The following STX10 variants were observed in gnomAD, a reference collection of about 807,000 sequenced individuals.
The protein encoded by STX10 is syntaxin 10, also known as syntaxin-10.
STX10 carries 35 observed loss-of-function variants against 34.1 expected under a neutral mutation model. That is an observed-to-expected ratio of 1.03 (90% CI 0.78 to 1.36). The LOEUF (loss-of-function observed/expected upper bound fraction) is 1.36, where lower values mean the gene tolerates loss of function less well. Ranked by LOEUF, STX10 falls within the 40% of genes most tolerant of loss-of-function variation. The pLI, the probability that STX10 is intolerant of heterozygous loss-of-function variation, is 0.00. For missense variants in STX10, 361 were observed against 335.5 expected (o/e 1.08, Z -0.59); for synonymous variants, 155 against 132.9 (o/e 1.17, Z -1.15).
rs1163829965 is a variant in STX10, at chr19:13,148,519, AAAAT to A, written c.363+506_363+509del. ...ACTCCATCTCAAAAAAAAAAAAAAA[AAAAT>A]ACAGAAGTTACCCTGGCATGGTGAC... is the stretch of plus-strand genomic sequence containing the variant. On this transcript the variant is annotated intron_variant, in intron 4 of 7. Coordinates refer to ENST00000587230, the MANE Select transcript of STX10 (RefSeq NM_003765.3). Among the ~76,000 whole-genome samples, 96 of 146,574 alleles carry A rather than the reference AAAAT, an allele frequency of 6.5e-4. 3 individuals are homozygous for A. In the East Asian group the frequency reaches 0.016, roughly 25 times the overall value.
At position 13,145,377 on chromosome 19, in the gene STX10, C is replaced by CT. The variant is rs1282993787; in HGVS notation, c.381dup (p.Ala128SerfsTer35). 1 of 1,611,212 alleles carries CT rather than the reference C, an allele frequency of 6.2e-7. No homozygotes were observed. On this transcript the variant is annotated frameshift_variant, in exon 5 of 8. Transcript: ENST00000587230. LOFTEE classifies it high-confidence loss of function. Reference sequence around the variant, plus strand: ...AGGTCGCTGGGTGACTTCTGGGCAGCTGGCTTGCCTGCGAGTATCTGCAGG... The same window carrying CT: ...AGGTCGCTGGGTGACTTCTGGGCAGCTTGGCTTGCCTGCGAGTATCTGCAGG...
At position 13,148,985 on chromosome 19, in the gene STX10, A is replaced by AC; in HGVS notation, c.363+43dup. ...ACGCACAGAGGGATCTGGCTTGGTT[A>AC]CCCCCAGGGGCTCAGGTGGGCAGGG... On this transcript the variant is annotated intron_variant, in intron 4 of 7. Coordinates refer to ENST00000587230, the MANE Select transcript of STX10 (RefSeq NM_003765.3). The AC allele has an allele frequency of 1.9e-6, 3 of 1,549,852 alleles. No individual in the cohort carries two copies. The African/African-American group carries it at 4.1e-5, about 21-fold the overall frequency.
chr19:13,146,288 C>A (rs923548976), intron 4 of STX10, among the ~76,000 whole-genome samples: 2 of 152,060 alleles, frequency 1.3e-5, no homozygotes, highest in Admixed American at 1.3e-4. Context: ...ATGGGGGACA[C>A]TTACAGCAGT....
rs1259449734 is a variant in STX10 at position 13,150,287 on chromosome 19, A to G, written c.-114T>C. Reference sequence around the variant, plus strand: ...CCCCGCCCCCGTCACGCCACCATCGAGAGCCGGACCGCCAGGGGAGAAAGA... The same window carrying G: ...CCCCGCCCCCGTCACGCCACCATCGGGAGCCGGACCGCCAGGGGAGAAAGA... On this transcript the variant is annotated 5_prime_UTR_variant, in exon 1 of 8. Coordinates refer to ENST00000587230, the MANE Select transcript of STX10 (RefSeq NM_003765.3). This position sits in a 1 kb window ranked among gnomAD's most constrained non-coding sequence, Gnocchi z 4.0. The G allele has an allele frequency of 1.6e-6, 1 of 640,302 alleles. No homozygotes were observed. The highest frequency in any genetic ancestry group is 1.9e-5 in the African/African-American group (1 of 52,778). 39.7% of individuals were successfully genotyped at this position (640,302 alleles called of 1,614,324 possible).
In STX10 at chr19:13,144,400, A is replaced by G; in HGVS notation, c.*10T>C. Reference sequence around the variant, plus strand: ...GGCTTAAGGGACCAGCCTGCCAGGGAGGGCTGGGGTCAGAGAGAGAATAGT... The same window carrying G: ...GGCTTAAGGGACCAGCCTGCCAGGGGGGGCTGGGGTCAGAGAGAGAATAGT... On this transcript the variant is annotated 3_prime_UTR_variant, in exon 8 of 8. Coordinates refer to ENST00000587230, the MANE Select transcript of STX10 (RefSeq NM_003765.3). 1 of 1,605,330 alleles carries G rather than the reference A, an allele frequency of 6.2e-7. No homozygotes were observed. The highest frequency in any genetic ancestry group is 1.1e-5 in the South Asian group (1 of 89,244).
In STX10 at chr19:13,150,036, C is replaced by T. The variant is rs1169887958; in HGVS notation, c.35+103G>A. ...TGCGTGCGCCTCCCACTCTGCACCC[C>T]GACGGCCTTGCCCAGCCCGCCGGGC... On this transcript the variant is annotated intron_variant, in intron 1 of 7. Coordinates refer to ENST00000587230, the MANE Select transcript of STX10 (RefSeq NM_003765.3). The surrounding 1 kb of genome is among the most constrained non-coding windows in gnomAD (Gnocchi z 4.0). The T allele has an allele frequency of 6.0e-6, 8 of 1,324,242 alleles. No individual in the cohort carries two copies. The highest frequency in any genetic ancestry group is 8.5e-6 in the Non-Finnish European group (8 of 941,706). 82.0% of individuals were successfully genotyped at this position (1,324,242 alleles called of 1,614,324 possible).
intron 4 of STX10, 116 bp downstream of exon 4, chr19:13,148,913 A>T: frequency 1.3e-6 from 1 of 783,228 alleles, no homozygotes; most frequent in South Asian, 1.6e-5. Flanking sequence ...CAAGAAGATA[A>T]CTGCCCACAG....
chr19:13,150,259 C>G lies in STX10; in HGVS notation c.-86G>C. The G allele has an allele frequency of 4.5e-6, 3 of 667,554 alleles. No individual in the cohort carries two copies. The highest frequency in any genetic ancestry group is 5.0e-5 in the Admixed American group (2 of 40,298). 41.4% of individuals were successfully genotyped at this position (667,554 alleles called of 1,614,324 possible). A position where few individuals can be genotyped will look rare whatever the true frequency, so the allele number is the denominator to read the frequency against. ...CTCCCAACCGAGGAGAACGCGCCGC[C>G]ACCCCCGCCCCCGTCACGCCACCAT... On this transcript the variant is annotated 5_prime_UTR_variant, in exon 1 of 8. Transcript: ENST00000587230. The surrounding 1 kb of genome is among the most constrained non-coding windows in gnomAD (Gnocchi z 4.0).
Position 13,149,899 on chromosome 19 carries a change from T to A in STX10, c.36-2A>T. 6.3e-7 allele frequency: 1 copy of A among 1,582,570 alleles called. No individual in the cohort carries two copies. ...GTGTTCACCGCCTTCTGCACCTCGCTGCGGGCAGGGGCACGGCGGGCGCGG... is the reference window on the plus strand; with the variant it reads ...GTGTTCACCGCCTTCTGCACCTCGCAGCGGGCAGGGGCACGGCGGGCGCGG... On this transcript the variant is annotated splice_acceptor_variant, in intron 1 of 7. Coordinates refer to ENST00000587230, the MANE Select transcript of STX10 (RefSeq NM_003765.3). LOFTEE classifies it high-confidence loss of function.
rs1600011395 is a variant in STX10 at position 13,144,211 on chromosome 19, C to A, written c.*199G>T. ...CCCCTAAGTGCACTTGAGACAGGAC[C>A]AGTGGTGGTGGTTCCAGCCCAGGGT... On this transcript the variant is annotated 3_prime_UTR_variant, in exon 8 of 8. Coordinates refer to ENST00000587230, the MANE Select transcript of STX10 (RefSeq NM_003765.3). The A allele has an allele frequency of 1.5e-6, 1 of 669,538 alleles. No homozygotes were observed. The highest frequency in any genetic ancestry group is 2.8e-5 in the East Asian group (1 of 36,340). The allele number at this position is 669,538 out of a possible 1,614,324, so 41.5% of individuals were successfully genotyped here.
intron 2 of STX10, 56 bp from the exon 3 acceptor site, chr19:13,149,649 G>C (rs1482564378): frequency 6.2e-7 from 1 of 1,610,574 alleles, no homozygotes; most frequent in East Asian, 2.2e-5. Flanking sequence ...CGTCCCTAGG[G>C]GTCCAGCCCT....
chr19:13,144,327 C>T lies in STX10; in HGVS notation c.*83G>A, dbSNP rs970471461. 9.3e-5 allele frequency: 142 copies of T among 1,533,762 alleles called. No homozygotes were observed. The highest frequency in any genetic ancestry group is 1.2e-4 in the Non-Finnish European group (135 of 1,133,176). ...TCTCCAGCTACCCAGGAGGGACCCT[C>T]TCCTCCTAGGGGGCGAGGCCAGCTC... is the stretch of plus-strand genomic sequence containing the variant. On this transcript the variant is annotated 3_prime_UTR_variant, in exon 8 of 8. Coordinates refer to ENST00000587230, the MANE Select transcript of STX10 (RefSeq NM_003765.3).
At position 13,144,157 on chromosome 19, in the gene STX10, T is replaced by G; in HGVS notation, c.*253A>C. On this transcript the variant is annotated 3_prime_UTR_variant, in exon 8 of 8. Transcript: ENST00000587230. ...TCCTGGAACTGGAAATGGAGACAGG[T>G]GTGTCTCAGGTGTCCCTGCCTCCAC... 1.8e-6 allele frequency: 1 copy of G among 542,356 alleles called. No individual in the cohort carries two copies. The highest frequency in any genetic ancestry group is 3.3e-6 in the Non-Finnish European group (1 of 305,028). The allele number at this position is 542,356 out of a possible 1,614,324, so 33.6% of individuals were successfully genotyped here.
chr19:13,150,241 C>T lies in STX10; in HGVS notation c.-68G>A. 1.5e-6 allele frequency: 1 copy of T among 688,206 alleles called. No homozygotes were observed. Among genetic ancestry groups the T allele is most frequent in the East Asian group, 2.8e-5 (1 of 35,338 alleles). 42.6% of individuals were successfully genotyped at this position (688,206 alleles called of 1,614,324 possible). On this transcript the variant is annotated 5_prime_UTR_variant, in exon 1 of 8. Coordinates refer to ENST00000587230, the MANE Select transcript of STX10 (RefSeq NM_003765.3). The surrounding 1 kb of genome is among the most constrained non-coding windows in gnomAD (Gnocchi z 4.0). ...GGTTCGCGGGCTGGTTCCCTCCCAACCGAGGAGAACGCGCCGCCACCCCCG... is the reference window on the plus strand; with the variant it reads ...GGTTCGCGGGCTGGTTCCCTCCCAATCGAGGAGAACGCGCCGCCACCCCCG...
chr19:13,149,561 G>A lies in STX10; in HGVS notation c.238C>T (p.Leu80Phe). Residue 80 changes from leucine (L) to phenylalanine (F), a missense_variant, in exon 3 of 8, where the codon CTC becomes TTC. Physicochemically the swap from Leu to Phe is conservative, Grantham distance 22 (BLOSUM62 0). Transcript: ENST00000587230. ...CTCTCCTGCAGGTCCCCGGCTGGGA[G>A]CTTGAACTTGCCTGGGTTGGCTTCC... is the stretch of plus-strand genomic sequence containing the variant. ...IVEANPGKFK[L>F]PAGDLQERKV... 1.2e-6 allele frequency: 2 copies of A among 1,614,122 alleles called. No individual in the cohort carries two copies. The highest frequency in any genetic ancestry group is 1.7e-6 in the Non-Finnish European group (2 of 1,180,020).
At position 13,149,604 on chromosome 19, in the gene STX10, A is replaced by G; in HGVS notation, c.206-11T>C. ...TGGCTTCCACTATACGTGGGCTGAG[A>G]GTCAAGGGTCAAGGCCGGAGCCAGA... On this transcript the variant is annotated splice_polypyrimidine_tract_variant and intron_variant, in intron 2 of 7. Coordinates refer to ENST00000587230, the MANE Select transcript of STX10 (RefSeq NM_003765.3). 3 of 1,613,872 alleles carry G rather than the reference A, an allele frequency of 1.9e-6. No homozygotes were observed. Among genetic ancestry groups the G allele is most frequent in the Non-Finnish European group, 2.5e-6 (3 of 1,179,934 alleles).
chr19:13,149,028 CCT>C lies in STX10; in HGVS notation c.362_363del (p.Glu121AspfsTer41). ...GGGCAGGGTGGGTCAGGAAGGCTTA[CCT>C]CTCTGTTATTCCTCTCCAAAAATGC... ...AVAFLERNNR[E>X]ILAGKPAAQK... is the part of the protein sequence containing the mutation. On this transcript the variant is annotated frameshift_variant and splice_region_variant, in exon 4 of 8. Transcript: ENST00000587230. LOFTEE classifies it high-confidence loss of function. 1 of 1,601,128 alleles carries C rather than the reference CCT, an allele frequency of 6.2e-7. No homozygotes were observed.
In STX10 at chr19:13,149,826, G is replaced by C; in HGVS notation, c.107C>G (p.Ala36Gly). The part of the protein sequence containing the change: ...QRWCELLQES[A>G]AVGREELDWT... ...GTCCAGCTCCTCGCGTCCGACCGCC[G>C]CGCTTTCCTGCAGGAGCTCGCACCA... The change falls in exon 2 of 8, where the codon GCG (alanine) becomes GGG (glycine). Residue 36 changes from alanine to glycine, a missense_variant. Transcript: ENST00000587230. 1 of 1,613,564 alleles carries C rather than the reference G, an allele frequency of 6.2e-7. No individual in the cohort carries two copies. Among genetic ancestry groups the C allele is most frequent in the Non-Finnish European group, 8.5e-7 (1 of 1,179,976 alleles).
intron 4 of STX10, among the ~76,000 whole-genome samples, chr19:13,146,152 G>A (rs1050849091): frequency 2.0e-5 from 3 of 150,020 alleles, no homozygotes; most frequent in South Asian, 2.1e-4. Context: ...AGCTGAGATC[G>A]CACCACTGCA....
Sources: gnomAD v4.1 joint callset for allele counts (sites outside exome capture counted in the v4.1 genomes callset) on GRCh38, gnomAD v4.1.1 for gene constraint, Gnocchi (gnomAD v3.1) non-coding constraint, MANE v1.5 for transcripts, NCBI Gene and HGNC (gene_info 2026-07-23, HGNC 2026-07-21) for gene names.